Variants in MAF observed in about 807,000 individuals in gnomAD.
MAF encodes transcription factor Maf.
Under a neutral mutation model 22.0 loss-of-function variants are expected in MAF, and 10 were observed. The ratio of observed to expected loss-of-function variants is 0.45; its 90% CI spans 0.28 to 0.77. The LOEUF is 0.77. Ranked by LOEUF, MAF falls within the 30% of genes least tolerant of loss-of-function variation. The probability of loss-of-function intolerance (pLI) is 0.12; values close to 1 mark genes in which losing one functional copy is unlikely to be tolerated. For missense variants in MAF, 544 were observed against 548.4 expected (o/e 0.99, Z 0.08); for synonymous variants, 337 against 255.8 (o/e 1.32, Z -3.03).
At chr16:79,582,601 T>C (rs1240312805), downstream of MAF, among the ~76,000 whole-genome samples, 1 of 152,120 alleles carries the variant, frequency 6.6e-6, no homozygotes, top group East Asian at 1.9e-4. Context: ...CCAGGCTGTA[T>C]GGAAAGGGGG....
At chr16:79,269,197 C>A in the MAF span, among the ~76,000 whole-genome samples, 10 of 152,212 alleles carry the variant, frequency 6.6e-5, no homozygotes, top group African/African-American at 2.2e-4. Context: ...CAGAGTCCAA[C>A]GTGGAATGGA....
intron 1 of MAF, chr16:79,595,207 T>C: frequency 9.6e-7 from 1 of 1,042,454 alleles, no homozygotes; most frequent in Non-Finnish European, 1.2e-6. Context: ...CTATTAAGAC[T>C]TTTGTTAAGC....
the MAF span, among the ~76,000 whole-genome samples, chr16:79,217,273 G>C: frequency 6.6e-6 from 1 of 152,182 alleles, no homozygotes; most frequent in African/African-American, 2.4e-5. Flanking sequence ...AGGATGTGAA[G>C]CCAGCTCCAT....
the MAF span, among the ~76,000 whole-genome samples, chr16:79,480,264 C>T: frequency 1.3e-5 from 2 of 152,034 alleles, no homozygotes; most frequent in East Asian, 1.9e-4. Flanking sequence ...AACACGTTGT[C>T]GGTTTCAATT....
chr16:79,372,169 T>C, the MAF span, among the ~76,000 whole-genome samples: 1 of 151,932 alleles, frequency 6.6e-6, no homozygotes, highest in Non-Finnish European at 1.5e-5. Flanking sequence ...TCCAGATGGT[T>C]TTTTGTTTAA....
chr16:79,473,673 A>T, the MAF span, among the ~76,000 whole-genome samples: 1 of 152,142 alleles, frequency 6.6e-6, no homozygotes, highest in South Asian at 2.1e-4. Flanking sequence ...TGTCTTTATG[A>T]CATTATTGAT....
the MAF span, among the ~76,000 whole-genome samples, chr16:79,383,597 A>G: frequency 6.6e-5 from 10 of 152,224 alleles, no homozygotes; most frequent in African/African-American, 2.4e-4. Context: ...CCAGGCCTCA[A>G]TTATCAGCAG....
chr16:79,229,172 C>G, the MAF span: 26 of 151,810 alleles, frequency 1.7e-4, no homozygotes, highest in Admixed American at 1.7e-3. Flanking sequence ...GAACTTTCTC[C>G]TTCTGAGGAT....
intron 1 of MAF, chr16:79,595,276 G>T (rs886276254): frequency 2.6e-5 from 27 of 1,049,006 alleles, no homozygotes; most frequent in Non-Finnish European, 2.9e-5. Context: ...AGGTCAAAAT[G>T]TCGAGGTTAC....
At chr16:79,339,902 C>G in the MAF span, among the ~76,000 whole-genome samples, 1 of 152,184 alleles carries the variant, frequency 6.6e-6, no homozygotes, top group Non-Finnish European at 1.5e-5. Context: ...TAAAAGCATC[C>G]TGCCAAGTTC....
chr16:79,407,378 C>T, the MAF span, among the ~76,000 whole-genome samples: 1 of 152,300 alleles, frequency 6.6e-6, no homozygotes, highest in East Asian at 1.9e-4. Context: ...AACTTCACCT[C>T]AAGGATGGTG....
chr16:79,378,870 T>C, the MAF span, among the ~76,000 whole-genome samples: 1 of 152,234 alleles, frequency 6.6e-6, no homozygotes, highest in African/African-American at 2.4e-5. Context: ...TGAATTAACA[T>C]GATTTCTTCA....
the MAF span, among the ~76,000 whole-genome samples, chr16:79,513,618 G>A: frequency 1.1e-4 from 17 of 152,310 alleles, no homozygotes; most frequent in African/African-American, 2.9e-4. Flanking sequence ...ACCAGTTGCG[G>A]AATCTCAGGC....
the MAF span, among the ~76,000 whole-genome samples, chr16:79,526,630 A>T: frequency 6.6e-6 from 1 of 152,224 alleles, no homozygotes; most frequent in Non-Finnish European, 1.5e-5. Context: ...ATGTTTTACA[A>T]CAGGCTTTCC....
At chr16:79,347,309 C>G in the MAF span, among the ~76,000 whole-genome samples, 1 of 152,182 alleles carries the variant, frequency 6.6e-6, no homozygotes, top group Non-Finnish European at 1.5e-5. Context: ...CTCTTGCCTT[C>G]CAACCAGCTC....
chr16:79,480,448 A>T, the MAF span, among the ~76,000 whole-genome samples: 318 of 152,218 alleles, frequency 2.1e-3, 3 homozygotes, highest in African/African-American at 7.2e-3. Flanking sequence ...AAGAAGGGGC[A>T]AAGAAGGGAG....
At chr16:79,312,445 T>C in the MAF span, among the ~76,000 whole-genome samples, 1 of 152,232 alleles carries the variant, frequency 6.6e-6, no homozygotes, top group Non-Finnish European at 1.5e-5. Context: ...GCATTTCACG[T>C]GGTCTGGCTC....
chr16:79,373,641 G>T, the MAF span, among the ~76,000 whole-genome samples: 2 of 151,942 alleles, frequency 1.3e-5, no homozygotes, highest in Non-Finnish European at 2.9e-5. Flanking sequence ...GCCTCCCAAA[G>T]TGCTGGGATT....
At chr16:79,354,635 G>A in the MAF span, among the ~76,000 whole-genome samples, 8 of 152,192 alleles carry the variant, frequency 5.3e-5, no homozygotes, top group African/African-American at 1.7e-4. Context: ...GGACAAAAGG[G>A]ATTGGTACTG....
Sources: gnomAD v4.1 joint callset for allele counts (sites outside exome capture counted in the v4.1 genomes callset) on GRCh38, gnomAD v4.1.1 for gene constraint, MANE v1.5 for transcripts, NCBI Gene and HGNC (gene_info 2026-07-23, HGNC 2026-07-21) for gene names.